NRG3: variants seen among roughly 807,000 people sequenced by gnomAD.
NRG3 encodes the protein pro-neuregulin-3, membrane-bound isoform.
Under a neutral mutation model 66.9 loss-of-function variants are expected in NRG3, and 31 were observed. That is an observed-to-expected ratio of 0.46 (90% CI 0.35 to 0.63). The LOEUF (loss-of-function observed/expected upper bound fraction) is 0.63. NRG3 is among the 20% of genes least tolerant of loss of function. The pLI is 0.00. For missense variants in NRG3, 910 were observed against 878.9 expected, an observed-to-expected ratio of 1.04 and a Z score of -0.45; for synonymous variants, 393 against 359.4, an observed-to-expected ratio of 1.09 and a Z score of -1.06.
chr10:82,269,906 T>C lies in NRG3; in HGVS notation c.824-88833T>C, dbSNP rs182967604. ...GTCTGGAGCCAGATTGAGTTAGGCT[T>C]AAATCCTAACTCAGCCATGTGCTTC... On this transcript the variant is annotated intron_variant, in intron 1 of 8. Transcript: ENST00000372141. Among the ~76,000 whole-genome samples, 470 of 152,230 alleles carry C rather than the reference T, an allele frequency of 3.1e-3. 3 individuals are homozygous for C. Among genetic ancestry groups the C allele is most frequent in the African/African-American group, 0.011 (444 of 41,538 alleles).
chr10:82,766,405 T>A (rs2135124855), intron 3 of NRG3, among the ~76,000 whole-genome samples: 1 of 152,300 alleles, frequency 6.6e-6, no homozygotes, highest in East Asian at 1.9e-4. Context: ...AGTCACAGAC[T>A]TAGAAAACAC....
intron 4 of NRG3, among the ~76,000 whole-genome samples, chr10:82,896,950 G>T (rs1206758737): frequency 6.6e-6 from 1 of 152,130 alleles, no homozygotes; most frequent in African/African-American, 2.4e-5. Context: ...AATCATACTG[G>T]TTCTTCCATT....
At chr10:82,490,267 T>C (rs1229942155) in intron 2 of NRG3, among the ~76,000 whole-genome samples, 1 of 152,134 alleles carries the variant, frequency 6.6e-6, no homozygotes, top group Non-Finnish European at 1.5e-5. Flanking sequence ...TCTACTTCTG[T>C]TCTCCTAACT....
chr10:82,193,376 C>G (rs896832151), intron 1 of NRG3, among the ~76,000 whole-genome samples: 1 of 152,168 alleles, frequency 6.6e-6, no homozygotes, highest in African/African-American at 2.4e-5. Context: ...CTCCTGACCT[C>G]AAGTAATCCC....
At chr10:82,486,098 TATC>T (rs1842657215) in intron 2 of NRG3, among the ~76,000 whole-genome samples, 1 of 152,038 alleles carries the variant, frequency 6.6e-6, no homozygotes, top group East Asian at 1.9e-4. Context: ...CAAAATGAAA[TATC>T]ATCTCACACT....
intron 3 of NRG3, among the ~76,000 whole-genome samples, chr10:82,821,384 G>A (rs2061947406): frequency 6.6e-6 from 1 of 151,908 alleles, no homozygotes; most frequent in South Asian, 2.1e-4. Context: ...TGCATCCAAA[G>A]TCTTCTTGCC....
chr10:81,989,541 A>T (rs1335863886), intron 1 of NRG3, among the ~76,000 whole-genome samples: 1 of 152,200 alleles, frequency 6.6e-6, no homozygotes, highest in Admixed American at 6.5e-5. Context: ...TTTGAAGATG[A>T]ATCTAAAAAA....
At chr10:82,882,222 C>A (rs1490685552) in intron 4 of NRG3, among the ~76,000 whole-genome samples, 1 of 152,136 alleles carries the variant, frequency 6.6e-6, no homozygotes. Flanking sequence ...TGTAACTTTG[C>A]TAGATTATGG....
intron 1 of NRG3, among the ~76,000 whole-genome samples, chr10:82,011,501 C>T (rs2061573807): frequency 1.3e-5 from 2 of 152,122 alleles, no homozygotes; most frequent in South Asian, 4.1e-4. Context: ...CAACAGTCTC[C>T]CAAAGTCTTA....
intron 2 of NRG3, among the ~76,000 whole-genome samples, chr10:82,617,801 G>A (rs1481494160): frequency 6.6e-6 from 1 of 152,178 alleles, no homozygotes; most frequent in East Asian, 1.9e-4. Context: ...GTATCCCCAG[G>A]TCTTCAATTG....
At chr10:82,687,729 G>A (rs1459302628) in intron 2 of NRG3, among the ~76,000 whole-genome samples, 2 of 152,036 alleles carry the variant, frequency 1.3e-5, no homozygotes, top group East Asian at 3.9e-4. Flanking sequence ...ATGGTGGGGG[G>A]AGGGGTGGAA....
In NRG3 at chr10:82,368,508, A is replaced by C. The variant is rs550869352; in HGVS notation, c.953+9640A>C. The stretch of plus-strand genomic sequence containing the variant: ...GAATGCTCCCTTTTGACAGTTCCTG[A>C]AGAAAAAACATGGGAAAAACACTCC... On this transcript the variant is annotated intron_variant, in intron 2 of 8. Transcript: ENST00000372141. 2.2e-5 allele frequency among the ~76,000 whole-genome samples: 3 copies of C among 138,038 alleles called. 1 individual carries two copies. Among genetic ancestry groups the C allele is most frequent in the African/African-American group, 1.0e-4 (3 of 29,694 alleles). The allele number at this position is 138,038 out of a possible 152,430, so 90.6% of individuals were successfully genotyped here.
At chr10:82,207,569 G>A (rs768436125) in intron 1 of NRG3, among the ~76,000 whole-genome samples, 14 of 152,154 alleles carry the variant, frequency 9.2e-5, no homozygotes, top group South Asian at 2.1e-4. Flanking sequence ...TAGTAAAGCC[G>A]TGTGTAGCGG....
rs113564475 is a variant in NRG3, at chr10:82,685,319, A to G, written c.954-53258A>G. Among the ~76,000 whole-genome samples, 16 of 152,358 alleles carry G rather than the reference A, an allele frequency of 1.1e-4. 1 individual carries two copies. Among genetic ancestry groups the G allele is most frequent in the African/African-American group, 3.8e-4 (16 of 41,584 alleles). On this transcript the variant is annotated intron_variant, in intron 2 of 8. Coordinates refer to ENST00000372141, the MANE Select transcript of NRG3 (RefSeq NM_001010848.4). ...GAATAAATTATACAAAATGCACTGC[A>G]GTTGGAAGGAAGGAAAGGAATTACT...
intron 3 of NRG3, among the ~76,000 whole-genome samples, chr10:82,764,514 C>T (rs772848772): frequency 2.2e-4 from 33 of 151,840 alleles, no homozygotes; most frequent in Non-Finnish European, 2.8e-4. Context: ...AGGCACCCAC[C>T]GCCACGCCTG....
At chr10:82,323,606 G>A (rs2081700079) in intron 1 of NRG3, among the ~76,000 whole-genome samples, 1 of 151,688 alleles carries the variant, frequency 6.6e-6, no homozygotes, top group African/African-American at 2.4e-5. Flanking sequence ...TGGTGTTGGA[G>A]GAATGTTGGC....
At chr10:82,696,117 A>G (rs1172517522) in intron 2 of NRG3, among the ~76,000 whole-genome samples, 1 of 152,100 alleles carries the variant, frequency 6.6e-6, no homozygotes, top group African/African-American at 2.4e-5. Flanking sequence ...TTTTGCTATA[A>G]AACACACACT....
At chr10:82,249,727 T>C (rs969000018) in intron 1 of NRG3, among the ~76,000 whole-genome samples, 1 of 152,194 alleles carries the variant, frequency 6.6e-6, no homozygotes, top group African/African-American at 2.4e-5. Flanking sequence ...GAGGCATGCT[T>C]ATGTTTACTA....
chr10:82,269,688 C>T (rs999647424), intron 1 of NRG3, among the ~76,000 whole-genome samples: 5 of 152,252 alleles, frequency 3.3e-5, no homozygotes, highest in Non-Finnish European at 7.4e-5. Flanking sequence ...TAGTTTTGTG[C>T]AGTGGTTCTC....
Sources: allele counts gnomAD v4.1 joint callset (sites outside exome capture counted in the v4.1 genomes callset), GRCh38; gene constraint gnomAD v4.1.1; transcripts MANE v1.5; gene names NCBI Gene and HGNC (gene_info 2026-07-23, HGNC 2026-07-21).